ACAP3: variants seen among roughly 807,000 people sequenced by gnomAD.
ACAP3 encodes the protein arf-GAP with coiled-coil, ANK repeat and PH domain-containing protein 3.
Under a neutral mutation model 104.1 loss-of-function variants are expected in ACAP3, and 56 were observed. The ratio of observed to expected loss-of-function variants is 0.54; its 90% CI spans 0.43 to 0.67. ACAP3 has a LOEUF of 0.67. ACAP3 is among the 30% of genes least tolerant of loss of function. ACAP3 has a pLI of 0.00. For synonymous variants in ACAP3, 628 were observed against 496.2 expected (o/e 1.27, Z -3.53); for missense variants, 1,208 against 1,174.9 (o/e 1.03, Z -0.41).
chr1:1,298,980 C>T, intron 10 of ACAP3: 1 of 555,558 alleles, frequency 1.8e-6, no homozygotes, highest in Non-Finnish European at 3.2e-6. Context: ...GCTGCGCCCC[C>T]ACCCTCCGCA....
At chr1:1,294,045 A>T (rs781447457) in intron 22 of ACAP3, 45 bp downstream of exon 22, 72 of 1,508,640 alleles carry the variant, frequency 4.8e-5, no homozygotes, top group Non-Finnish European at 1.3e-5. Flanking sequence ...GGGCCGGGGT[A>T]GGCGTGGTCG....
chr1:1,301,824 G>A (rs1641458731), intron 5 of ACAP3, 164 bp downstream of exon 5: 5 of 561,684 alleles, frequency 8.9e-6, no homozygotes, highest in Non-Finnish European at 1.2e-5. Flanking sequence ...GGAACCCCCC[G>A]CACTCCACCC....
In ACAP3 at chr1:1,293,437, A is replaced by T; in HGVS notation, c.*127T>A. 1.0e-6 allele frequency: 1 copy of T among 987,814 alleles called. No individual in the cohort carries two copies. The highest frequency in any genetic ancestry group is 1.3e-6 in the Non-Finnish European group (1 of 766,798). The allele number at this position is 987,814 out of a possible 1,614,324, so 61.2% of individuals were successfully genotyped here. ...TGGGCGAGCAGGGCCGCGGCGCCCC[A>T]GCACTGGGGCTGCCAGGTATCGACC... On this transcript the variant is annotated 3_prime_UTR_variant, in exon 24 of 24. Transcript: ENST00000354700.
Position 1,295,512 on chromosome 1 carries a change from C to A in ACAP3, c.1748G>T (p.Cys583Phe), listed in dbSNP as rs1314191497. The A allele has an allele frequency of 1.2e-6, 2 of 1,612,552 alleles. No individual in the cohort carries two copies. Among genetic ancestry groups the A allele is most frequent in the African/African-American group, 2.7e-5 (2 of 74,916 alleles). ...DRKFRRDSLF[C>F]PDELDSLFSY... ...GAAGAGCGAGTCCAGCTCGTCGGGACAGAAGAGGGAGTCTCGGCGGAACTT... is the reference window on the plus strand; with the variant it reads ...GAAGAGCGAGTCCAGCTCGTCGGGAAAGAAGAGGGAGTCTCGGCGGAACTT... The change falls in exon 19 of 24, where the codon TGT becomes TTT. Residue 583 changes from cysteine (C) to phenylalanine (F), a missense_variant. By Grantham distance (205) the Cys-to-Phe change is radical. Coordinates refer to ENST00000354700, the MANE Select transcript of ACAP3 (RefSeq NM_030649.3).
rs140458556 is a variant in ACAP3 at position 1,298,575 on chromosome 1, T to A, written c.855A>T (p.Thr285=). The change falls in exon 11 of 24, where the codon ACA becomes ACT. Residue 285 remains threonine (T), a synonymous_variant. Coordinates refer to ENST00000354700, the MANE Select transcript of ACAP3 (RefSeq NM_030649.3). ...LFKRASNAFK[T]WNRRWFSIQN... ...TGAGGAAGGCCTCTCACCGGTTCCA[T>A]GTCTTGAAAGCGTTGCTGGCCCTCT... The A allele has an allele frequency of 1.4e-4, 208 of 1,502,872 alleles. No individual in the cohort carries two copies. In the Middle Eastern group the frequency reaches 2.9e-3, roughly 21 times the overall value. 93.1% of individuals were successfully genotyped at this position (1,502,872 alleles called of 1,614,324 possible). A position where few individuals can be genotyped will look rare whatever the true frequency, so the allele number is the denominator to read the frequency against.
chr1:1,294,240 C>A (rs757077585), intron 21 of ACAP3, 41 bp from the exon 22 acceptor site: 1 of 1,541,448 alleles, frequency 6.5e-7, no homozygotes, highest in Non-Finnish European at 8.8e-7. Context: ...ACGGCACCGG[C>A]CCCTCTCCGC....
chr1:1,301,058 C>T (rs1641420510), intron 5 of ACAP3, among the ~76,000 whole-genome samples: 3 of 152,114 alleles, frequency 2.0e-5, no homozygotes, highest in East Asian at 1.9e-4. Flanking sequence ...TGAGCCACTG[C>T]GCCTGGCCTG....
In ACAP3 at chr1:1,303,947, G is replaced by C; in HGVS notation, c.105+139C>G. The C allele has an allele frequency of 9.8e-7, 1 of 1,016,900 alleles. No individual in the cohort carries two copies. The highest frequency in any genetic ancestry group is 1.5e-5 in the South Asian group (1 of 65,554). The allele number at this position is 1,016,900 out of a possible 1,614,324, so 63.0% of individuals were successfully genotyped here. On this transcript the variant is annotated intron_variant, in intron 2 of 23. Coordinates refer to ENST00000354700, the MANE Select transcript of ACAP3 (RefSeq NM_030649.3). This position sits in a 1 kb window ranked among gnomAD's most constrained non-coding sequence, Gnocchi z 4.0. ...CCTGGAACACACATGCTAAGACACA[G>C]GGACCAGGACCTGGAGCACCACACG...
chr1:1,294,032 G>C (rs1377140521), intron 22 of ACAP3, 58 bp downstream of exon 22: 1 of 1,492,606 alleles, frequency 6.7e-7, no homozygotes, highest in Non-Finnish European at 8.9e-7. Flanking sequence ...ACAGGGCGTA[G>C]CCGGGCCGGG....
At chr1:1,302,157 CG>C in intron 4 of ACAP3, 111 bp from the exon 5 acceptor site, 1 of 989,500 alleles carries the variant, frequency 1.0e-6, no homozygotes, top group Non-Finnish European at 1.4e-6. Context: ...GATGCAGGGG[CG>C]GGTCCCACCC....
intron 5 of ACAP3, 149 bp from the exon 6 acceptor site, chr1:1,300,841 G>T: frequency 4.0e-6 from 3 of 750,702 alleles, no homozygotes; most frequent in Non-Finnish European, 6.4e-6. Flanking sequence ...GTGCTGTCTC[G>T]GCTCACCGCA....
intron 22 of ACAP3, 54 bp from the exon 23 acceptor site, chr1:1,293,987 T>G (rs1640983732): frequency 6.8e-7 from 1 of 1,460,912 alleles, no homozygotes; most frequent in East Asian, 2.7e-5. Context: ...GGGGCGAGTG[T>G]GGTCGCGGGG....
At chr1:1,296,304 G>A (rs1232934844) in intron 15 of ACAP3, 24 bp from the exon 16 acceptor site, 8 of 1,552,086 alleles carry the variant, frequency 5.2e-6, no homozygotes, top group Non-Finnish European at 7.0e-6. Context: ...GTAGGGATGA[G>A]TCTGGGGGAG....
Position 1,293,608 on chromosome 1 carries a change from T to G in ACAP3, c.2461A>C (p.Arg821=), listed in dbSNP as rs1570622826. 6.8e-7 allele frequency: 1 copy of G among 1,472,284 alleles called. No individual in the cohort carries two copies. Among genetic ancestry groups the G allele is most frequent in the East Asian group, 3.0e-5 (1 of 33,380 alleles). 91.2% of individuals were successfully genotyped at this position (1,472,284 alleles called of 1,614,324 possible). A position where few individuals can be genotyped will look rare whatever the true frequency, so the allele number is the denominator to read the frequency against. The change falls in exon 24 of 24, where the codon AGG becomes CGG. Residue 821 remains arginine (R), a synonymous_variant. Transcript: ENST00000354700. ...AGGCTGATGAACTCCTGGATACACC[T>G]GCGGAACTGGAGCTCCGTGGGGCTG... ...AGSPTELQFR[R]CIQEFISLHL...
In ACAP3 at chr1:1,296,239, A is replaced by C. The variant is rs1460352497; in HGVS notation, c.1379T>G (p.Leu460Arg). ...TAGCAGCTCAGGCTCCCACGAGTCC[A>C]GCGTCAGGGACCGCACCTTGGAGCA... Reference protein sequence around the residue: ...VHCSKVRSLTLDSWEPELLKL... With the variant: ...VHCSKVRSLTRDSWEPELLKL... Residue 460 changes from leucine (L) to arginine (R), a missense_variant, in exon 16 of 24, where the codon CTG becomes CGG. Leu to Arg is a moderately radical substitution (Grantham distance 102, BLOSUM62 -2). Transcript: ENST00000354700. The C allele has an allele frequency of 1.3e-6, 2 of 1,564,866 alleles. No homozygotes were observed. The highest frequency in any genetic ancestry group is 3.8e-5 in the Admixed American group (2 of 52,544).
At chr1:1,296,681 G>C in intron 14 of ACAP3, 48 bp from the exon 15 acceptor site, 1 of 1,512,498 alleles carries the variant, frequency 6.6e-7, no homozygotes, top group East Asian at 2.5e-5. Flanking sequence ...CTCCAGCATG[G>C]TTTCCCCAGC....
chr1:1,294,947 G>GC (rs1641051183), intron 19 of ACAP3, 131 bp from the exon 20 acceptor site: 4 of 799,926 alleles, frequency 5.0e-6, no homozygotes, highest in Non-Finnish European at 7.9e-6. Flanking sequence ...CCCACCCAGG[G>GC]CCGGGGGGAG....
chr1:1,295,260 C>G (rs991860637), intron 19 of ACAP3, among the ~76,000 whole-genome samples, 187 bp downstream of exon 19: 9 of 152,120 alleles, frequency 5.9e-5, no homozygotes, highest in African/African-American at 1.9e-4. Context: ...GCACACAGCC[C>G]ACACACACAT....
intron 19 of ACAP3, 157 bp from the exon 20 acceptor site, chr1:1,294,973 G>C (rs1266541945): frequency 1.5e-5 from 10 of 666,800 alleles, no homozygotes; most frequent in Admixed American, 3.0e-5. Context: ...TGCAGGCTAG[G>C]AGCAAAGGAG....
Sources: allele counts gnomAD v4.1 joint callset (sites outside exome capture counted in the v4.1 genomes callset), GRCh38; gene constraint gnomAD v4.1.1; non-coding constraint Gnocchi (gnomAD v3.1); transcripts MANE v1.5; gene names NCBI Gene and HGNC (gene_info 2026-07-23, HGNC 2026-07-21).